COL5A2: variants seen among roughly 807,000 people sequenced by gnomAD.
COL5A2 encodes the protein collagen type V alpha 2 chain.
A neutral mutation model predicts 208.2 loss-of-function variants in COL5A2; 23 were observed. The observed-to-expected ratio is 0.11, with a 90% CI of 0.08 to 0.16. COL5A2 has a LOEUF of 0.16. Ranked by LOEUF, COL5A2 falls within the 10% of genes least tolerant of loss-of-function variation. The pLI is 1.00. For synonymous variants in COL5A2, 625 were observed against 628.5 expected, an observed-to-expected ratio of 0.99 and a Z score of 0.08; for missense variants, 1,590 against 1,956.4, an observed-to-expected ratio of 0.81 and a Z score of 3.53.
In COL5A2 at chr2:189,032,840, C is replaced by G. The variant is rs905194313; in HGVS notation, c.*1230G>C. 12 of 152,506 alleles carry G rather than the reference C, an allele frequency of 7.9e-5. No homozygotes were observed. Among genetic ancestry groups the G allele is most frequent in the African/African-American group, 2.7e-4 (11 of 41,426 alleles). The allele number at this position is 152,506 out of a possible 1,614,324, so 9.4% of individuals were successfully genotyped here. On this transcript the variant is annotated 3_prime_UTR_variant, in exon 54 of 54. Coordinates refer to ENST00000374866, the MANE Select transcript of COL5A2 (RefSeq NM_000393.5). The stretch of plus-strand genomic sequence containing the variant: ...TTCACAATGGTAGTGATTAAACCAT[C>G]TTTATTTTTAAGGAATTTTATAGGA...
chr2:189,143,320 G>C (rs188597758), intron 1 of COL5A2, among the ~76,000 whole-genome samples: 10 of 152,160 alleles, frequency 6.6e-5, no homozygotes, highest in African/African-American at 2.4e-4. Flanking sequence ...ACTTGCCTAG[G>C]GTCACCTGGA....
chr2:189,161,062 T>TG (rs1342802377), intron 1 of COL5A2, among the ~76,000 whole-genome samples: 1 of 151,372 alleles, frequency 6.6e-6, no homozygotes, highest in African/African-American at 2.4e-5. Flanking sequence ...TCAGGTGATC[T>TG]GCCCACCTCG....
Position 189,084,002 on chromosome 2 carries a change from C to T in COL5A2, c.834G>A (p.Val278=). The T allele has an allele frequency of 6.2e-7, 1 of 1,613,412 alleles. No homozygotes were observed. Among genetic ancestry groups the T allele is most frequent in the Non-Finnish European group, 8.5e-7 (1 of 1,179,456 alleles). Residue 278 remains valine (V), a synonymous_variant, in exon 12 of 54, where the codon GTG becomes GTA. Coordinates refer to ENST00000374866, the MANE Select transcript of COL5A2 (RefSeq NM_000393.5). ...EPGRNGNPGE[V]GFAGSPGARG... ...AACTTACCGGAGATCCTGCAAATCC[C>T]ACTTCACCAGGATTTCCATTTCTGC...
the COL5A2 span, among the ~76,000 whole-genome samples, chr2:189,406,189 CAT>C: frequency 9.9e-5 from 15 of 152,190 alleles, no homozygotes; most frequent in East Asian, 5.8e-4. Context: ...CATTATCAAA[CAT>C]GTGTTGGAAA....
intron 7 of COL5A2, among the ~76,000 whole-genome samples, chr2:189,089,653 C>T (rs994322014): frequency 2.6e-5 from 4 of 152,098 alleles, no homozygotes; most frequent in Non-Finnish European, 5.9e-5. Context: ...ACAACCGGTG[C>T]CATGTTTGCA....
chr2:189,167,194 AG>A (rs908649472), intron 1 of COL5A2, among the ~76,000 whole-genome samples: 2 of 152,230 alleles, frequency 1.3e-5, no homozygotes, highest in African/African-American at 4.8e-5. Context: ...ACCCAAGGAA[AG>A]TCAAGAGGCA....
At chr2:189,422,960 T>G in the COL5A2 span, among the ~76,000 whole-genome samples, 2 of 147,782 alleles carry the variant, frequency 1.4e-5, no homozygotes, top group Admixed American at 1.4e-4. Flanking sequence ...GAGGCGGAGG[T>G]TGTGGTGAGC....
the COL5A2 span, among the ~76,000 whole-genome samples, chr2:189,263,752 G>A: frequency 1.3e-5 from 2 of 152,032 alleles, no homozygotes; most frequent in Admixed American, 6.6e-5. Context: ...ATACCATTGT[G>A]TTACAGTTGC....
intron 3 of COL5A2, among the ~76,000 whole-genome samples, chr2:189,103,219 C>T (rs1040349617): frequency 4.6e-5 from 7 of 152,010 alleles, no homozygotes; most frequent in Non-Finnish European, 8.8e-5. Flanking sequence ...TTTTCGTTTT[C>T]ACAATAAATT....
At chr2:189,391,008 G>C in the COL5A2 span, among the ~76,000 whole-genome samples, 1 of 152,066 alleles carries the variant, frequency 6.6e-6, no homozygotes, top group Non-Finnish European at 1.5e-5. Context: ...TTTGGTCATC[G>C]GGTTTGTTTA....
intron 1 of COL5A2, among the ~76,000 whole-genome samples, chr2:189,221,705 C>T (rs887318728): frequency 6.6e-6 from 1 of 151,990 alleles, no homozygotes; most frequent in Admixed American, 6.6e-5. Context: ...TAGTTCTTGA[C>T]CCTTGCAAAG....
chr2:189,288,029 T>A, the COL5A2 span, among the ~76,000 whole-genome samples: 1 of 152,000 alleles, frequency 6.6e-6, no homozygotes, highest in East Asian at 1.9e-4. Flanking sequence ...ACTGGAGAAT[T>A]CAACAGATGA....
At chr2:189,385,177 T>C in the COL5A2 span, among the ~76,000 whole-genome samples, 2 of 151,952 alleles carry the variant, frequency 1.3e-5, no homozygotes, top group Admixed American at 1.3e-4. Flanking sequence ...GGCATCCCAA[T>C]AAGAAAAGAA....
At position 189,111,836 on chromosome 2, in the gene COL5A2, C is replaced by A. The variant is rs192229861; in HGVS notation, c.98-1387G>T. Among the ~76,000 whole-genome samples, 8 of 151,592 alleles carry A rather than the reference C, an allele frequency of 5.3e-5. No individual in the cohort carries two copies. In the East Asian group the frequency reaches 1.5e-3, roughly 29 times the overall value. On this transcript the variant is annotated intron_variant, in intron 1 of 53. Coordinates refer to ENST00000374866, the MANE Select transcript of COL5A2 (RefSeq NM_000393.5). The stretch of plus-strand genomic sequence containing the variant: ...AAACTAGATGAAAGTAAGGACTAGG[C>A]GTCTTGTTCATCACTGTATTTCTTT...
chr2:189,239,276 C>T, the COL5A2 span, among the ~76,000 whole-genome samples: 1 of 151,934 alleles, frequency 6.6e-6, no homozygotes, highest in Non-Finnish European at 1.5e-5. Context: ...AATGGCCTCA[C>T]AAAATGCCCC....
chr2:189,135,491 T>C lies in COL5A2; in HGVS notation c.98-25042A>G, dbSNP rs556989133. 5.9e-5 allele frequency among the ~76,000 whole-genome samples: 9 copies of C among 152,328 alleles called. 1 individual carries two copies. In the South Asian group the frequency reaches 1.9e-3, roughly 32 times the overall value. On this transcript the variant is annotated intron_variant, in intron 1 of 53. Coordinates refer to ENST00000374866, the MANE Select transcript of COL5A2 (RefSeq NM_000393.5). ...TGATTTCTGACAAATCCTACTTCTC[T>C]GTGTCATAAATATTGGTTACAAACA...
At chr2:189,351,135 T>C in the COL5A2 span, among the ~76,000 whole-genome samples, 9 of 152,314 alleles carry the variant, frequency 5.9e-5, no homozygotes, top group East Asian at 1.5e-3. Flanking sequence ...GGCTAACATG[T>C]AGATAAACTT....
chr2:189,214,072 C>T (rs948509024), intron 1 of COL5A2, among the ~76,000 whole-genome samples: 2 of 152,122 alleles, frequency 1.3e-5, no homozygotes, highest in African/African-American at 2.4e-5. Context: ...TACTTCTACA[C>T]TTCTATAGTT....
chr2:189,231,684 T>C, the COL5A2 span, among the ~76,000 whole-genome samples: 1 of 151,816 alleles, frequency 6.6e-6, no homozygotes, highest in Non-Finnish European at 1.5e-5. Flanking sequence ...ACAGAGATGA[T>C]ACAGATAAAA....
Sources: allele counts gnomAD v4.1 joint callset (sites outside exome capture counted in the v4.1 genomes callset), GRCh38; gene constraint gnomAD v4.1.1; transcripts MANE v1.5; gene names NCBI Gene and HGNC (gene_info 2026-07-23, HGNC 2026-07-21).